MYCBP2: variants seen among roughly 807,000 people sequenced by gnomAD.
MYCBP2 encodes the protein MYC binding protein 2, also known as E3 ubiquitin-protein ligase MYCBP2.
In MYCBP2, 120 loss-of-function variants were observed where a neutral mutation model predicts 525.3. That is an observed-to-expected ratio of 0.23 (90% confidence interval 0.20 to 0.27). The LOEUF is 0.27. Among genes scored for constraint, MYCBP2 ranks in the 10% least tolerant of loss-of-function variants. MYCBP2 has a pLI of 1.00. For missense variants in MYCBP2, 4,149 were observed against 5,657.1 expected (o/e 0.73, Z 8.55); for synonymous variants, 1,894 against 1,955.8 (o/e 0.97, Z 0.83).
rs71203044 is a variant in MYCBP2, at chr13:77,303,771, G to GAA, written c.303-7099_303-7098dup. On this transcript the variant is annotated intron_variant, in intron 1 of 82. Transcript: ENST00000544440. ...TTGCATACACATAAATGCATATACTGAAAAAAAAAACACTGAAAGTAAATT... is the reference window on the plus strand; with the variant it reads ...TTGCATACACATAAATGCATATACTGAAAAAAAAAAAACACTGAAAGTAAATT... Among the ~76,000 whole-genome samples the GAA allele has an allele frequency of 4.5e-3, 670 of 147,866 alleles. 6 individuals are homozygous for GAA. The highest frequency in any genetic ancestry group is 7.0e-3 in the Admixed American group (104 of 14,960).
At chr13:77,064,383 C>T (rs1047796891) in intron 73 of MYCBP2, among the ~76,000 whole-genome samples, 2 of 152,084 alleles carry the variant, frequency 1.3e-5, no homozygotes, top group African/African-American at 4.8e-5. Flanking sequence ...ACCAGTGTAC[C>T]CTTGGCTTCC....
rs577327909 is a variant in MYCBP2 at position 77,058,012 on chromosome 13, G to A, written c.13329+206C>T. On this transcript the variant is annotated intron_variant, in intron 78 of 82. Coordinates refer to ENST00000544440, the MANE Select transcript of MYCBP2 (RefSeq NM_015057.5). This position sits in a 1 kb window ranked among gnomAD's most constrained non-coding sequence, Gnocchi z 4.1. The stretch of plus-strand genomic sequence containing the variant: ...ACCACCACGCCCAGCTAATTTTTTT[G>A]TATTTTTGTAGTAGAGACGGGGTCT... Among the ~76,000 whole-genome samples, 1 of 151,880 alleles carries A rather than the reference G, an allele frequency of 6.6e-6. No individual in the cohort carries two copies. Among genetic ancestry groups the A allele is most frequent in the East Asian group, 1.9e-4 (1 of 5,168 alleles).
chr13:77,071,271 GCACA>G (rs71814048), intron 68 of MYCBP2, among the ~76,000 whole-genome samples: 3,034 of 142,696 alleles, frequency 0.021, 50 homozygotes, highest in African/African-American at 0.047. Flanking sequence ...GTGTGCACAC[GCACA>G]CACACACACA....
intron 78 of MYCBP2, among the ~76,000 whole-genome samples, chr13:77,057,850 T>C (rs1247355904): frequency 2.7e-5 from 4 of 145,560 alleles, no homozygotes; most frequent in Non-Finnish European, 4.5e-5. Flanking sequence ...TTTTTTTTTT[T>C]TTTTTTGAGA....
At chr13:77,062,248 G>C (rs2039425188) in intron 74 of MYCBP2, among the ~76,000 whole-genome samples, 1 of 152,080 alleles carries the variant, frequency 6.6e-6, no homozygotes, top group Admixed American at 6.5e-5. Context: ...CTGTGTTATT[G>C]CTTTATTTCC....
At position 77,326,092 on chromosome 13, in the gene MYCBP2, C is replaced by T. The variant is rs374080860; in HGVS notation, c.302+382G>A. ...CTTCCCTTGCCACTGTTGCAATTCT[C>T]TTCGTGTATCATCCTCTTACCCTCT... On this transcript the variant is annotated intron_variant, in intron 1 of 82. Transcript: ENST00000544440. This position sits in a 1 kb window ranked among gnomAD's most constrained non-coding sequence, Gnocchi z 4.2. Among the ~76,000 whole-genome samples, 1 of 152,008 alleles carries T rather than the reference C, an allele frequency of 6.6e-6. No homozygotes were observed. Among genetic ancestry groups the T allele is most frequent in the African/African-American group, 2.4e-5 (1 of 41,364 alleles).
rs1595052881 is a variant in MYCBP2 at position 77,165,202 on chromosome 13, T to G, written c.6459+71A>C. ...AGGCAACAGTACAATTTAAGTCAGT[T>G]AGAAGCACAACTCACTAGCCCTTAG... On this transcript the variant is annotated intron_variant, in intron 42 of 82. Coordinates refer to ENST00000544440, the MANE Select transcript of MYCBP2 (RefSeq NM_015057.5). 11 of 1,339,970 alleles carry G rather than the reference T, an allele frequency of 8.2e-6. No individual in the cohort carries two copies. The East Asian group carries it at 2.3e-4, about 28-fold the overall frequency. 83.0% of individuals were successfully genotyped at this position (1,339,970 alleles called of 1,614,324 possible). A position where few individuals can be genotyped will look rare whatever the true frequency, so the allele number is the denominator to read the frequency against.
chr13:77,062,158 A>C (rs896385110), intron 74 of MYCBP2, among the ~76,000 whole-genome samples: 14 of 152,230 alleles, frequency 9.2e-5, no homozygotes, highest in African/African-American at 3.4e-4. Context: ...GCCTATATAA[A>C]GTTTTCCTTT....
intron 62 of MYCBP2, among the ~76,000 whole-genome samples, chr13:77,085,572 G>A (rs1184257802): frequency 6.6e-6 from 1 of 152,142 alleles, no homozygotes; most frequent in Non-Finnish European, 1.5e-5. Flanking sequence ...ATCAACAGGT[G>A]GAGTTTATTT....
chr13:77,177,452 C>T (rs558812178), intron 35 of MYCBP2, among the ~76,000 whole-genome samples: 1 of 151,598 alleles, frequency 6.6e-6, no homozygotes, highest in Admixed American at 6.6e-5. Context: ...AGTGATCCTC[C>T]CACCCCAGCC....
Position 77,140,093 on chromosome 13 carries a change from T to G in MYCBP2, c.7472A>C (p.Gln2491Pro). The stretch of plus-strand genomic sequence containing the variant: ...TCCATTGACTTTCACTATGCCTATC[T>G]GCTCACTCTGAAGGGAAGGGTGGCT... ...IRSHPSLQSEQIGIVKVNGTI... is the reference protein window; with the variant it reads ...IRSHPSLQSEPIGIVKVNGTI... The change falls in exon 51 of 83, where the codon CAG becomes CCG. Residue 2491 changes from glutamine to proline, a missense_variant. By Grantham distance (76) the Gln-to-Pro change is moderately conservative. Coordinates refer to ENST00000544440, the MANE Select transcript of MYCBP2 (RefSeq NM_015057.5). 2 of 1,613,328 alleles carry G rather than the reference T, an allele frequency of 1.2e-6. No individual in the cohort carries two copies. The highest frequency in any genetic ancestry group is 1.7e-6 in the Non-Finnish European group (2 of 1,179,822).
In MYCBP2 at chr13:77,174,415, T is replaced by C. The variant is rs892083884; in HGVS notation, c.5547A>G (p.Thr1849=). Reference sequence around the variant, plus strand: ...ATGTCACACCATCAGGGCACTGAACTGTGGTCATTCCTCCATCTCCATTGG... The same window carrying C: ...ATGTCACACCATCAGGGCACTGAACCGTGGTCATTCCTCCATCTCCATTGG... ...RTANGDGGMT[T]VQCPDGVTFT... Residue 1849 remains threonine (T), a synonymous_variant, in exon 37 of 83, where the codon ACA becomes ACG. Transcript: ENST00000544440. The C allele has an allele frequency of 6.2e-7, 1 of 1,614,188 alleles. No individual in the cohort carries two copies.
intron 69 of MYCBP2, 120 bp from the exon 70 acceptor site, chr13:77,068,951 A>G: frequency 1.0e-6 from 1 of 957,326 alleles, no homozygotes; most frequent in Non-Finnish European, 1.6e-6. Context: ...ATTTAATACT[A>G]TTCTCCCAGT....
chr13:77,248,084 A>G (rs924312767), intron 15 of MYCBP2, among the ~76,000 whole-genome samples: 1 of 151,858 alleles, frequency 6.6e-6, no homozygotes, highest in African/African-American at 2.4e-5. Context: ...TGGCACATGT[A>G]TACATATGTA....
At chr13:77,195,933 T>G (rs2061711743) in intron 26 of MYCBP2, among the ~76,000 whole-genome samples, 1 of 152,244 alleles carries the variant, frequency 6.6e-6, no homozygotes, top group Admixed American at 6.5e-5. Context: ...TGTATTTACA[T>G]TCAACCAATA....
At chr13:77,263,571 T>G in intron 10 of MYCBP2, 80 bp downstream of exon 10, 1 of 1,256,360 alleles carries the variant, frequency 8.0e-7, no homozygotes, top group African/African-American at 1.5e-5. Flanking sequence ...GCTGAACTGG[T>G]GAAAACACAA....
Position 77,144,531 on chromosome 13 carries a change from T to C in MYCBP2, c.7217A>G (p.Asn2406Ser). ...RPSENMLIRV[N>S]NDGTYCANWT... ...ATTTGCACAATAAGTCCCATCATTATTGACACGGATCAGCATATTCTCACT... is the reference window on the plus strand; with the variant it reads ...ATTTGCACAATAAGTCCCATCATTACTGACACGGATCAGCATATTCTCACT... Residue 2406 changes from asparagine to serine, a missense_variant, in exon 49 of 83, where the codon AAT (asparagine) becomes AGT (serine). By Grantham distance (46) the Asn-to-Ser change is conservative (BLOSUM62 1). Coordinates refer to ENST00000544440, the MANE Select transcript of MYCBP2 (RefSeq NM_015057.5). 2.5e-6 allele frequency: 4 copies of C among 1,613,700 alleles called. No individual in the cohort carries two copies. Among genetic ancestry groups the C allele is most frequent in the African/African-American group, 1.3e-5 (1 of 75,020 alleles).
rs1432628693 is a variant in MYCBP2, at chr13:77,056,951, AAAAG to A, written c.13437+31_13437+34del. On this transcript the variant is annotated intron_variant, in intron 79 of 82. Coordinates refer to ENST00000544440, the MANE Select transcript of MYCBP2 (RefSeq NM_015057.5). The stretch of plus-strand genomic sequence containing the variant: ...AAAGGTGAAAAGAAAGAACAAAAGA[AAAAG>A]AAAGTACATGATTTCAGATTCTTTC... 5 of 1,482,348 alleles carry A rather than the reference AAAAG, an allele frequency of 3.4e-6. No homozygotes were observed. The African/African-American group carries it at 4.2e-5, about 12-fold the overall frequency. 91.8% of individuals were successfully genotyped at this position (1,482,348 alleles called of 1,614,324 possible). A position where few individuals can be genotyped will look rare whatever the true frequency, so the allele number is the denominator to read the frequency against.
At chr13:77,126,583 T>C (rs759135051) in intron 52 of MYCBP2, 41 bp from the exon 53 acceptor site, 3 of 1,494,200 alleles carry the variant, frequency 2.0e-6, no homozygotes, top group Non-Finnish European at 2.8e-6. Flanking sequence ...CAAAATACAA[T>C]CTATTATCAC....
Sources: allele counts gnomAD v4.1 joint callset (sites outside exome capture counted in the v4.1 genomes callset), GRCh38; gene constraint gnomAD v4.1.1; non-coding constraint Gnocchi (gnomAD v3.1); transcripts MANE v1.5; gene names NCBI Gene and HGNC (gene_info 2026-07-23, HGNC 2026-07-21).